GRM3: variants seen among roughly 807,000 people sequenced by gnomAD.
GRM3 encodes glutamate metabotropic receptor 3.
A neutral mutation model predicts 70.5 loss-of-function variants in GRM3; 26 were observed. The ratio of observed to expected loss-of-function variants is 0.37; its 90% CI spans 0.27 to 0.51. The LOEUF (loss-of-function observed/expected upper bound fraction) is 0.51. GRM3 is among the 20% of genes least tolerant of loss of function. The pLI is 0.93. For missense variants in GRM3, 859 were observed against 1,123.8 expected, an observed-to-expected ratio of 0.76 and a Z score of 3.37; for synonymous variants, 443 against 434.9, an observed-to-expected ratio of 1.02 and a Z score of -0.23.
intron 1 of GRM3, among the ~76,000 whole-genome samples, chr7:86,761,129 G>A (rs1461011939): frequency 6.6e-6 from 1 of 152,232 alleles, no homozygotes; most frequent in East Asian, 1.9e-4. Context: ...TTATTTGACA[G>A]CAGGGATGAT....
intron 1 of GRM3, among the ~76,000 whole-genome samples, chr7:86,662,536 G>T (rs556348279): frequency 7.6e-4 from 115 of 151,634 alleles, no homozygotes; most frequent in Non-Finnish European, 1.3e-3. Context: ...ATCACCAAGA[G>T]GAAATTAATA....
At chr7:86,711,077 A>G (rs1795188375) in intron 1 of GRM3, among the ~76,000 whole-genome samples, 1 of 152,076 alleles carries the variant, frequency 6.6e-6, no homozygotes, top group South Asian at 2.1e-4. Flanking sequence ...ACTCTCTCTG[A>G]GCCCCACTTT....
chr7:86,672,761 A>G (rs903521150), intron 1 of GRM3, among the ~76,000 whole-genome samples: 1 of 152,056 alleles, frequency 6.6e-6, no homozygotes, highest in Non-Finnish European at 1.5e-5. Flanking sequence ...GCTTTTAACC[A>G]TGTCCCCTAA....
intron 3 of GRM3, among the ~76,000 whole-genome samples, chr7:86,801,017 G>T (rs1380160934): frequency 2.0e-5 from 3 of 150,594 alleles, no homozygotes; most frequent in Non-Finnish European, 4.4e-5. Flanking sequence ...AAACAAGTTG[G>T]CTAGCAACTA....
chr7:86,683,981 G>A (rs942172680), intron 1 of GRM3, among the ~76,000 whole-genome samples: 65 of 151,996 alleles, frequency 4.3e-4, no homozygotes, highest in African/African-American at 1.4e-3. Flanking sequence ...CTCCTTTGAA[G>A]CTCTAAATAT....
At position 86,660,925 on chromosome 7, in the gene GRM3, T is replaced by C. The variant is rs141890013; in HGVS notation, c.-141+16053T>C. Among the ~76,000 whole-genome samples, 177 of 152,074 alleles carry C rather than the reference T, an allele frequency of 1.2e-3. 2 individuals are homozygous for C. Among genetic ancestry groups the C allele is most frequent in the African/African-American group, 4.0e-3 (165 of 41,540 alleles). On this transcript the variant is annotated intron_variant, in intron 1 of 5. Transcript: ENST00000361669. Reference sequence around the variant, plus strand: ...ACAGGTGTTAATTGAGCACACATATTAAATTTGGTATTAGCTAGACACTGA... The same window carrying C: ...ACAGGTGTTAATTGAGCACACATATCAAATTTGGTATTAGCTAGACACTGA...
chr7:86,719,886 G>T (rs1345820153), intron 1 of GRM3, among the ~76,000 whole-genome samples: 1 of 152,018 alleles, frequency 6.6e-6, no homozygotes. Flanking sequence ...CTGAGGTCCT[G>T]ATGTGTGAGG....
At chr7:86,770,580 C>A (rs1053927507) in intron 2 of GRM3, among the ~76,000 whole-genome samples, 1 of 152,106 alleles carries the variant, frequency 6.6e-6, no homozygotes, top group African/African-American at 2.4e-5. Flanking sequence ...AGACATCCCT[C>A]TATTATACCC....
At chr7:86,654,151 A>G (rs1793674375) in intron 1 of GRM3, among the ~76,000 whole-genome samples, 1 of 152,176 alleles carries the variant, frequency 6.6e-6, no homozygotes, top group Non-Finnish European at 1.5e-5. Context: ...GCCACATGGG[A>G]AAAATGCCGA....
intron 1 of GRM3, among the ~76,000 whole-genome samples, chr7:86,718,721 A>G (rs2237547): frequency 0.4 from 60,359 of 151,778 alleles, 14,828 homozygotes; most frequent in African/African-American, 0.7. Flanking sequence ...TAGCATTAAC[A>G]TTTATTACTT....
chr7:86,723,860 G>C (rs1289300060), intron 1 of GRM3, among the ~76,000 whole-genome samples: 1 of 152,154 alleles, frequency 6.6e-6, no homozygotes, highest in East Asian at 1.9e-4. Context: ...AGCTGTAGTA[G>C]TTTGTTGAAC....
At position 86,839,625 on chromosome 7, in the gene GRM3, CTG is replaced by C; in HGVS notation, c.2116_2117del (p.Trp706AlafsTer63). 6.2e-7 allele frequency: 1 copy of C among 1,614,016 alleles called. No individual in the cohort carries two copies. The highest frequency in any genetic ancestry group is 8.5e-7 in the Non-Finnish European group (1 of 1,179,952). ...ATCCTGGTGCAAATTGTGATGGTGTCTGTGTGGCTCATCCTGGAGGCCCCAGG... is the reference window on the plus strand; with the variant it reads ...ATCCTGGTGCAAATTGTGATGGTGTCTGTGGCTCATCCTGGAGGCCCCAGG... On this transcript the variant is annotated frameshift_variant, in exon 4 of 6. Coordinates refer to ENST00000361669, the MANE Select transcript of GRM3 (RefSeq NM_000840.3). LOFTEE classifies it high-confidence loss of function. This position sits in a 1 kb window ranked among gnomAD's most constrained non-coding sequence, Gnocchi z 4.5.
At chr7:86,830,275 A>T (rs910328802) in intron 3 of GRM3, among the ~76,000 whole-genome samples, 2 of 151,734 alleles carry the variant, frequency 1.3e-5, no homozygotes, top group African/African-American at 2.4e-5. Flanking sequence ...CCCAATTTCC[A>T]CTCCACTGTC....
intron 1 of GRM3, among the ~76,000 whole-genome samples, chr7:86,759,312 T>A (rs1796423482): frequency 6.6e-6 from 1 of 152,180 alleles, no homozygotes; most frequent in African/African-American, 2.4e-5. Context: ...CAATTCAGCA[T>A]CACAAAGTCA....
intron 1 of GRM3, among the ~76,000 whole-genome samples, chr7:86,741,594 C>G (rs1313451394): frequency 1.3e-5 from 2 of 152,134 alleles, no homozygotes; most frequent in Non-Finnish European, 2.9e-5. Context: ...ATTTGCTACC[C>G]AAAACAAGTT....
At chr7:86,836,802 G>C (rs147876841) in intron 3 of GRM3, among the ~76,000 whole-genome samples, 87 of 152,246 alleles carry the variant, frequency 5.7e-4, no homozygotes, top group African/African-American at 2.0e-3. Context: ...TCATCAAATC[G>C]TCAAAAGAAC....
At chr7:86,697,379 G>C (rs989927614) in intron 1 of GRM3, among the ~76,000 whole-genome samples, 1 of 151,776 alleles carries the variant, frequency 6.6e-6, no homozygotes, top group African/African-American at 2.4e-5. Context: ...ATCTGAATTA[G>C]GAAAGGATGG....
chr7:86,746,143 A>C (rs1302362692), intron 1 of GRM3, among the ~76,000 whole-genome samples: 1 of 151,586 alleles, frequency 6.6e-6, no homozygotes, highest in Non-Finnish European at 1.5e-5. Flanking sequence ...TTAACTTCCT[A>C]AGTAGATTTT....
At chr7:86,688,634 T>C (rs1794621097) in intron 1 of GRM3, among the ~76,000 whole-genome samples, 1 of 150,890 alleles carries the variant, frequency 6.6e-6, no homozygotes, top group Non-Finnish European at 1.5e-5. Flanking sequence ...CTGACCTAAT[T>C]TGGCTTATAG....
Sources: gnomAD v4.1 joint callset for allele counts (sites outside exome capture counted in the v4.1 genomes callset) on GRCh38, gnomAD v4.1.1 for gene constraint, Gnocchi (gnomAD v3.1) non-coding constraint, MANE v1.5 for transcripts, NCBI Gene and HGNC (gene_info 2026-07-23, HGNC 2026-07-21) for gene names.